The following PCDHGB2 variants were observed in gnomAD, a reference collection of about 807,000 sequenced individuals.
The protein encoded by PCDHGB2 is protocadherin gamma subfamily B, 2.
In PCDHGB2, 55 loss-of-function variants were observed where a neutral mutation model predicts 59.3. That is an observed-to-expected ratio of 0.93 (90% CI 0.75 to 1.16). The LOEUF is 1.16. Ranked by LOEUF, PCDHGB2 falls within the 50% of genes most tolerant of loss-of-function variation. The pLI, the probability that PCDHGB2 is intolerant of heterozygous loss-of-function variation, is 0.00. For missense variants in PCDHGB2, 1,228 were observed against 1,198.5 expected (o/e 1.02, Z -0.36); for synonymous variants, 516 against 512.0 (o/e 1.01, Z -0.11).
At chr5:141,496,602 C>T (rs981108050) in intron 2 of PCDHGB2, among the ~76,000 whole-genome samples, 1 of 152,150 alleles carries the variant, frequency 6.6e-6, no homozygotes, top group Non-Finnish European at 1.5e-5. Flanking sequence ...TCTTAGAAGG[C>T]CCCTAAAAAG....
At chr5:141,384,941 C>G in intron 1 of PCDHGB2, 1 of 1,614,104 alleles carries the variant, frequency 6.2e-7, no homozygotes, top group Non-Finnish European at 8.5e-7. Context: ...CTTGAGCCCT[C>G]CGACGGTCCT....
At chr5:141,463,808 T>C (rs1018369312) in intron 1 of PCDHGB2, among the ~76,000 whole-genome samples, 2 of 152,196 alleles carry the variant, frequency 1.3e-5, no homozygotes, top group African/African-American at 4.8e-5. Flanking sequence ...CTAAAAGCTT[T>C]TATCACACAT....
intron 2 of PCDHGB2, 147 bp from the exon 3 acceptor site, chr5:141,505,246 G>A (rs2099844792): frequency 2.1e-6 from 3 of 1,436,556 alleles, no homozygotes; most frequent in African/African-American, 1.4e-5. Flanking sequence ...AAGGATTGTA[G>A]AAGTGCCTCC....
At chr5:141,499,679 T>G (rs2099793341) in intron 2 of PCDHGB2, among the ~76,000 whole-genome samples, 1 of 150,922 alleles carries the variant, frequency 6.6e-6, no homozygotes, top group South Asian at 2.1e-4. Context: ...CCACCATCTT[T>G]AACAGATGAC....
chr5:141,408,379 G>T (rs2095093592), intron 1 of PCDHGB2: 13 of 1,613,914 alleles, frequency 8.1e-6, no homozygotes, highest in Non-Finnish European at 1.1e-5. Context: ...TCAGTGTCCT[G>T]GATGTGTCGG....
At chr5:141,397,725 C>T (rs1292048088) in intron 1 of PCDHGB2, among the ~76,000 whole-genome samples, 1 of 152,180 alleles carries the variant, frequency 6.6e-6, no homozygotes, top group Non-Finnish European at 1.5e-5. Flanking sequence ...ATTTGGAAAA[C>T]AGAGAAAGAT....
At chr5:141,379,424 G>T (rs1775590923) in intron 1 of PCDHGB2, 1 of 152,218 alleles carries the variant, frequency 6.6e-6, no homozygotes, top group East Asian at 1.9e-4. Flanking sequence ...TCATGAGTTA[G>T]ATGGGCTGTT....
At position 141,485,685 on chromosome 5, in the gene PCDHGB2, G is replaced by A; in HGVS notation, c.2422-9122G>A. ...GGGAGCAATTCGATTAGCAGCTATA[G>A]GCTGAGCTCCAATGAACACTTTGCA... On this transcript the variant is annotated intron_variant, in intron 1 of 3. Coordinates refer to ENST00000522605, the MANE Select transcript of PCDHGB2 (RefSeq NM_018923.3). This position sits in a 1 kb window ranked among gnomAD's most constrained non-coding sequence, Gnocchi z 5.7. 1.2e-6 allele frequency: 2 copies of A among 1,614,052 alleles called. No homozygotes were observed. The highest frequency in any genetic ancestry group is 1.3e-5 in the African/African-American group (1 of 75,072).
At chr5:141,430,837 CG>C in intron 1 of PCDHGB2, 1 of 1,560,074 alleles carries the variant, frequency 6.4e-7, no homozygotes, top group African/African-American at 1.4e-5. Flanking sequence ...TGTGGGAGAC[CG>C]GATGCACCCA....
chr5:141,417,782 C>T (rs2096161767), intron 1 of PCDHGB2: 1 of 1,473,310 alleles, frequency 6.8e-7, no homozygotes, highest in Non-Finnish European at 9.0e-7. Flanking sequence ...CTGTCCTGGG[C>T]CGAATGCTCT....
At chr5:141,466,974 C>G (rs1314224956) in intron 1 of PCDHGB2, among the ~76,000 whole-genome samples, 1 of 151,944 alleles carries the variant, frequency 6.6e-6, no homozygotes, top group Non-Finnish European at 1.5e-5. Context: ...TCTCACAGCT[C>G]ATCATTTACC....
intron 1 of PCDHGB2, among the ~76,000 whole-genome samples, chr5:141,465,038 G>T (rs1297185291): frequency 6.6e-6 from 1 of 151,642 alleles, no homozygotes; most frequent in Non-Finnish European, 1.5e-5. Flanking sequence ...CACCACAAAT[G>T]ACCCTATATA....
chr5:141,388,789 T>A (rs2091491529), intron 1 of PCDHGB2: 1 of 1,613,948 alleles, frequency 6.2e-7, no homozygotes, highest in Non-Finnish European at 8.5e-7. Context: ...ATTACTGTTT[T>A]AAATACATTA....
rs1248104988 is a variant in PCDHGB2, at chr5:141,409,585, G to A, written c.2421+47029G>A. 3.1e-6 allele frequency: 5 copies of A among 1,613,912 alleles called. No individual in the cohort carries two copies. The Admixed American group carries it at 5.0e-5, about 16-fold the overall frequency. ...ACCAGACGTCCTACGTGGTCCACGT[G>A]GCCGAGAACAACCCGCCAGGAGCCT... On this transcript the variant is annotated intron_variant, in intron 1 of 3. Coordinates refer to ENST00000522605, the MANE Select transcript of PCDHGB2 (RefSeq NM_018923.3).
In PCDHGB2 at chr5:141,360,116, G is replaced by A; in HGVS notation, c.-20G>A. On this transcript the variant is annotated 5_prime_UTR_variant, in exon 1 of 4. Transcript: ENST00000522605. ...AAGGCTTATTCCTCCTATGGGCAAAGGAGCAAAGGGAGCCAGAAGATGAAA... is the reference window on the plus strand; with the variant it reads ...AAGGCTTATTCCTCCTATGGGCAAAAGAGCAAAGGGAGCCAGAAGATGAAA... 1 of 1,570,542 alleles carries A rather than the reference G, an allele frequency of 6.4e-7. No homozygotes were observed. The highest frequency in any genetic ancestry group is 1.2e-5 in the South Asian group (1 of 85,534).
At chr5:141,488,525 G>A (rs1040463796) in intron 1 of PCDHGB2, among the ~76,000 whole-genome samples, 1 of 152,182 alleles carries the variant, frequency 6.6e-6, no homozygotes, top group African/African-American at 2.4e-5. Flanking sequence ...TGGGGTGTCA[G>A]AAAAGCTAAG....
chr5:141,433,047 C>T (rs1561867159), intron 1 of PCDHGB2: 1 of 1,614,046 alleles, frequency 6.2e-7, no homozygotes, highest in African/African-American at 1.3e-5. Flanking sequence ...ACCACGGACT[C>T]GCGGAAGAGT....
intron 1 of PCDHGB2, chr5:141,390,422 G>A: frequency 9.3e-7 from 1 of 1,071,928 alleles, no homozygotes; most frequent in South Asian, 1.6e-5. Flanking sequence ...CAGTTAAAAA[G>A]CTGTCATATC....
rs2091965953 is a variant in PCDHGB2 at position 141,389,909 on chromosome 5, C to T, written c.2421+27353C>T. ...AGGAGGTGCTGCCGGATATCACTGA[C>T]CGCCCCGACCCCTCTGACCTCCAGG... On this transcript the variant is annotated intron_variant, in intron 1 of 3. Transcript: ENST00000522605. 1.9e-6 allele frequency: 3 copies of T among 1,614,068 alleles called. No homozygotes were observed. In the South Asian group the frequency reaches 3.3e-5, roughly 18 times the overall value.
Sources: gnomAD v4.1 joint callset for allele counts (sites outside exome capture counted in the v4.1 genomes callset) on GRCh38, gnomAD v4.1.1 for gene constraint, Gnocchi (gnomAD v3.1) non-coding constraint, MANE v1.5 for transcripts, NCBI Gene and HGNC (gene_info 2026-07-23, HGNC 2026-07-21) for gene names.